Variants in CD247 observed in about 807,000 individuals in gnomAD.
CD247 encodes T-cell surface glycoprotein CD3 zeta chain.
In CD247, 13 loss-of-function variants were observed where a neutral mutation model predicts 30.0. That is an observed-to-expected ratio of 0.43 (90% CI 0.28 to 0.69). CD247 has a LOEUF of 0.69. Among genes scored for constraint, CD247 ranks in the 30% least tolerant of loss-of-function variants. The pLI is 0.16. For missense variants in CD247, 193 were observed against 212.6 expected, an observed-to-expected ratio of 0.91 and a Z score of 0.57; for synonymous variants, 72 against 80.0, an observed-to-expected ratio of 0.90 and a Z score of 0.53.
chr1:167,483,225 C>T (rs574144516), intron 1 of CD247, among the ~76,000 whole-genome samples: 3 of 152,054 alleles, frequency 2.0e-5, no homozygotes, highest in Non-Finnish European at 2.9e-5. Context: ...TCAGGCTGGT[C>T]TCAAACTCCC....
chr1:167,463,830 T>A (rs1347583800), intron 1 of CD247, among the ~76,000 whole-genome samples: 2 of 152,228 alleles, frequency 1.3e-5, no homozygotes, highest in Non-Finnish European at 2.9e-5. Context: ...GGCTAATGAA[T>A]TTTCCTTTTT....
At chr1:167,468,628 G>C (rs1653373138) in intron 1 of CD247, among the ~76,000 whole-genome samples, 1 of 152,146 alleles carries the variant, frequency 6.6e-6, no homozygotes, top group Non-Finnish European at 1.5e-5. Context: ...AGAGAGCTCA[G>C]GTCACCTGGC....
intron 1 of CD247, among the ~76,000 whole-genome samples, chr1:167,491,447 A>G (rs1296636973): frequency 6.6e-6 from 1 of 152,176 alleles, no homozygotes; most frequent in Non-Finnish European, 1.5e-5. Context: ...CCATGCCTGT[A>G]ATCCCAGCTA....
intron 1 of CD247, among the ~76,000 whole-genome samples, chr1:167,516,935 A>G (rs1655630294): frequency 6.6e-6 from 1 of 152,214 alleles, no homozygotes; most frequent in South Asian, 2.1e-4. Context: ...CAAATGGACC[A>G]GTGAGGAAAC....
chr1:167,472,544 CT>C (rs888087154), intron 1 of CD247, among the ~76,000 whole-genome samples: 281 of 151,086 alleles, frequency 1.9e-3, no homozygotes, highest in African/African-American at 6.5e-3. Flanking sequence ...AAAATGTGGA[CT>C]TTTTTTTTCA....
Position 167,494,987 on chromosome 1 carries a change from C to T in CD247, c.58+23421G>A, listed in dbSNP as rs1432821507. On this transcript the variant is annotated intron_variant, in intron 1 of 7. Coordinates refer to ENST00000362089, the MANE Select transcript of CD247 (RefSeq NM_198053.3). The surrounding 1 kb of genome is among the most constrained non-coding windows in gnomAD (Gnocchi z 7.3). ...CTTGTGTCCGAGGAGCAGTGTTGGA[C>T]CCTCAATTCAGACAAAGTGGGAAGG... Among the ~76,000 whole-genome samples, 2 of 152,152 alleles carry T rather than the reference C, an allele frequency of 1.3e-5. No individual in the cohort carries two copies. The highest frequency in any genetic ancestry group is 2.9e-5 in the Non-Finnish European group (2 of 68,024).
chr1:167,516,238 G>T (rs1383440530), intron 1 of CD247, among the ~76,000 whole-genome samples: 3 of 152,268 alleles, frequency 2.0e-5, no homozygotes, highest in Non-Finnish European at 4.4e-5. Flanking sequence ...TAGGGAGTTA[G>T]AGGCACTGAG....
intron 1 of CD247, among the ~76,000 whole-genome samples, chr1:167,483,012 C>CTT (rs759667831): frequency 2.8e-5 from 4 of 140,626 alleles, no homozygotes; most frequent in African/African-American, 1.0e-4. Flanking sequence ...TTCTTTCTTT[C>CTT]TTTTTTTTTT....
At chr1:167,471,831 C>CTTTTTTTTTTTTTTTTTTTTTTTCT (rs111891678) in intron 1 of CD247, among the ~76,000 whole-genome samples, 1 of 117,188 alleles carries the variant, frequency 8.5e-6, no homozygotes, top group Non-Finnish European at 1.7e-5. Flanking sequence ...CTGTTTCTTT[C>CTTTTTTTTTTTTTTTTTTTTTTTCT]TTTTTTTTTT....
chr1:167,439,128 T>TTAAA (rs895886216), intron 3 of CD247, among the ~76,000 whole-genome samples: 1 of 152,160 alleles, frequency 6.6e-6, no homozygotes, highest in African/African-American at 2.4e-5. Flanking sequence ...CATCAAGACA[T>TTAAA]TAAAGCATGT....
At chr1:167,498,903 C>T (rs553338779) in intron 1 of CD247, among the ~76,000 whole-genome samples, 5 of 152,152 alleles carry the variant, frequency 3.3e-5, no homozygotes, top group South Asian at 2.1e-4. Flanking sequence ...CTATGGTTTA[C>T]GGCTGTCCTC....
chr1:167,447,971 G>C (rs1192938525), intron 1 of CD247, among the ~76,000 whole-genome samples: 4 of 149,528 alleles, frequency 2.7e-5, no homozygotes, highest in Admixed American at 6.6e-5. Flanking sequence ...TATGGGTGGG[G>C]GGGTGGGGGC....
At chr1:167,478,469 G>C (rs1346654479) in intron 1 of CD247, among the ~76,000 whole-genome samples, 1 of 152,238 alleles carries the variant, frequency 6.6e-6, no homozygotes, top group Non-Finnish European at 1.5e-5. Flanking sequence ...GATTGGACTT[G>C]TGTATGTGTG....
At chr1:167,437,696 T>C (rs1347791298) in intron 4 of CD247, among the ~76,000 whole-genome samples, 1 of 152,168 alleles carries the variant, frequency 6.6e-6, no homozygotes, top group African/African-American at 2.4e-5. Context: ...GGTAGCATGA[T>C]GTTTACCAGA....
At chr1:167,489,298 A>G (rs376886993) in intron 1 of CD247, among the ~76,000 whole-genome samples, 1 of 152,244 alleles carries the variant, frequency 6.6e-6, no homozygotes, top group Non-Finnish European at 1.5e-5. Context: ...GTGTTCCCAC[A>G]TCACCTTCTT....
intron 1 of CD247, among the ~76,000 whole-genome samples, chr1:167,509,437 G>A (rs1655292082): frequency 6.6e-6 from 1 of 151,236 alleles, no homozygotes; most frequent in African/African-American, 2.4e-5. Flanking sequence ...GATGGGCAAA[G>A]TAGGTCATTG....
chr1:167,490,527 G>A (rs1462845314), intron 1 of CD247, among the ~76,000 whole-genome samples: 1 of 152,162 alleles, frequency 6.6e-6, no homozygotes, highest in East Asian at 1.9e-4. Context: ...GGAGGCTGAG[G>A]CAGGAGAATC....
intron 1 of CD247, among the ~76,000 whole-genome samples, chr1:167,509,131 C>T (rs973259392): frequency 1.3e-5 from 2 of 152,120 alleles, no homozygotes; most frequent in African/African-American, 4.8e-5. Context: ...CTTTGGGAGG[C>T]CGAGGCAGGT....
intron 1 of CD247, among the ~76,000 whole-genome samples, chr1:167,467,915 C>T (rs1206948980): frequency 6.6e-6 from 1 of 152,162 alleles, no homozygotes; most frequent in African/African-American, 2.4e-5. Context: ...CAGAGTTCTC[C>T]AATCCCCTTA....
Sources: gnomAD v4.1 joint callset for allele counts (sites outside exome capture counted in the v4.1 genomes callset) on GRCh38, gnomAD v4.1.1 for gene constraint, Gnocchi (gnomAD v3.1) non-coding constraint, MANE v1.5 for transcripts, NCBI Gene and HGNC (gene_info 2026-07-23, HGNC 2026-07-21) for gene names.